LRP5: variants seen among roughly 807,000 people sequenced by gnomAD.
LRP5 encodes low-density lipoprotein receptor-related protein 5.
Under a neutral mutation model 154.1 loss-of-function variants are expected in LRP5, and 62 were observed. The ratio of observed to expected loss-of-function variants is 0.40; its 90% CI spans 0.33 to 0.50. The LOEUF (loss-of-function observed/expected upper bound fraction) is 0.50, where lower values mean the gene tolerates loss of function less well. Among genes scored for constraint, LRP5 ranks in the 20% least tolerant of loss-of-function variants. The pLI, the probability that LRP5 is intolerant of heterozygous loss-of-function variation, is 0.55. For missense variants in LRP5, 1,915 were observed against 2,336.7 expected (o/e 0.82, Z 3.72); for synonymous variants, 966 against 1,011.5 (o/e 0.96, Z 0.85).
At chr11:68,409,087 T>C (rs2098657622) in intron 9 of LRP5, among the ~76,000 whole-genome samples, 3 of 43,224 alleles carry the variant, frequency 6.9e-5, no homozygotes, top group South Asian at 1.9e-3. Context: ...TATATATATA[T>C]ATATATATAC....
chr11:68,448,761 G>C (rs756817037), intron 22 of LRP5, 48 bp from the exon 23 acceptor site: 1 of 1,599,196 alleles, frequency 6.3e-7, no homozygotes. Context: ...TGCCCACCAG[G>C]GCGGATGTGC....
intron 1 of LRP5, among the ~76,000 whole-genome samples, chr11:68,323,526 G>A (rs547969840): frequency 3.2e-4 from 48 of 152,170 alleles, no homozygotes; most frequent in Non-Finnish European, 5.7e-4. Flanking sequence ...TGGTTCTCCC[G>A]CCTCAGCCTC....
In LRP5 at chr11:68,386,443, C is replaced by T. The variant is rs747693977; in HGVS notation, c.1143C>T (p.Asp381=). 4 of 1,614,012 alleles carry T rather than the reference C, an allele frequency of 2.5e-6. No homozygotes were observed. In the African/African-American group the frequency reaches 4.0e-5, roughly 16 times the overall value. The change falls in exon 6 of 23, where the codon GAC becomes GAT. Residue 381 remains aspartate (D), a synonymous_variant. Transcript: ENST00000294304. This position sits in a 1 kb window ranked among gnomAD's most constrained non-coding sequence, Gnocchi z 7.9. The part of the protein sequence containing the change: ...DIRHAIAIDY[D]PLEGYVYWTD... ...GGCACGCCATTGCCATCGACTACGA[C>T]CCGCTAGAGGGCTATGTCTACTGGA...
At chr11:68,341,334 TCA>T (rs1445298512) in intron 1 of LRP5, among the ~76,000 whole-genome samples, 1 of 151,960 alleles carries the variant, frequency 6.6e-6, no homozygotes, top group Non-Finnish European at 1.5e-5. Context: ...GCTTCAGCCC[TCA>T]GCCTGTCCAT....
chr11:68,405,562 G>T (rs2098655151), intron 8 of LRP5, among the ~76,000 whole-genome samples: 1 of 151,578 alleles, frequency 6.6e-6, no homozygotes, highest in South Asian at 2.1e-4. Context: ...ATAAACCCCA[G>T]AGATAAGACA....
Position 68,429,666 on chromosome 11 carries a change from C to T in LRP5, c.3729C>T (p.His1243=). The T allele has an allele frequency of 1.2e-6, 2 of 1,614,188 alleles. No homozygotes were observed. The change falls in exon 17 of 23, where the codon CAC becomes CAT. Residue 1243 remains histidine, a synonymous_variant. Transcript: ENST00000294304. ...DGTPRCSCPV[H]LVLLQNLLTC... is the part of the protein sequence containing the mutation. ...CACCACGGTGCTCATGCCCAGTCCA[C>T]CTCGTGCTCCTGCAGAACCTGCTGA...
intron 12 of LRP5, among the ~76,000 whole-genome samples, 157 bp from the exon 13 acceptor site, chr11:68,416,171 C>T (rs2098662431): frequency 1.3e-5 from 2 of 152,148 alleles, no homozygotes; most frequent in African/African-American, 2.4e-5. Flanking sequence ...CCCCATAGCG[C>T]ACCCCCAAGA....
intron 4 of LRP5, among the ~76,000 whole-genome samples, chr11:68,364,671 C>T (rs963125463): frequency 3.9e-5 from 6 of 152,140 alleles, no homozygotes; most frequent in Middle Eastern, 3.2e-3. Context: ...CAGTGGCCCA[C>T]TCCCACAGGG....
At chr11:68,391,028 C>G (rs149675566) in intron 7 of LRP5, among the ~76,000 whole-genome samples, 1 of 152,192 alleles carries the variant, frequency 6.6e-6, no homozygotes, top group Non-Finnish European at 1.5e-5. Flanking sequence ...AGTGCAGTGG[C>G]GCGATCTCAG....
Position 68,416,395 on chromosome 11 carries a change from C to T in LRP5, c.2895C>T (p.His965=). 6.2e-7 allele frequency: 1 copy of T among 1,614,212 alleles called. No homozygotes were observed. Among genetic ancestry groups the T allele is most frequent in the Non-Finnish European group, 8.5e-7 (1 of 1,180,042 alleles). The change falls in exon 13 of 23, where the codon CAC becomes CAT. Residue 965 remains histidine (H), a synonymous_variant. Coordinates refer to ENST00000294304, the MANE Select transcript of LRP5 (RefSeq NM_002335.4). ...GTCGGATGATCCCGGACGACCAGCA[C>T]AGCCCGGATCTCATCCTGCCCCTGC... ...AISRMIPDDQ[H]SPDLILPLHG...
intron 6 of LRP5, among the ~76,000 whole-genome samples, chr11:68,389,450 A>G (rs1017476533): frequency 6.6e-6 from 1 of 152,066 alleles, no homozygotes; most frequent in Non-Finnish European, 1.5e-5. Context: ...TGACACTGAT[A>G]TCTACTGACA....
At chr11:68,425,032 G>C in intron 14 of LRP5, 70 bp from the exon 15 acceptor site, 1 of 1,415,918 alleles carries the variant, frequency 7.1e-7, no homozygotes, top group South Asian at 1.2e-5. Context: ...CCAGCTGGGT[G>C]CCCTGGGCTC....
intron 13 of LRP5, among the ~76,000 whole-genome samples, chr11:68,419,400 T>A (rs1228050021): frequency 6.6e-6 from 1 of 151,554 alleles, no homozygotes; most frequent in Non-Finnish European, 1.5e-5. Context: ...ATCTGGCTGA[T>A]TTTTTGTATT....
At chr11:68,317,784 C>T (rs1347175774) in intron 1 of LRP5, among the ~76,000 whole-genome samples, 1 of 152,012 alleles carries the variant, frequency 6.6e-6, no homozygotes. Context: ...TGCCAGAGCC[C>T]GTGGCTGCTG....
intron 18 of LRP5, among the ~76,000 whole-genome samples, chr11:68,436,518 G>A (rs1357713799): frequency 6.6e-6 from 1 of 151,902 alleles, no homozygotes; most frequent in Non-Finnish European, 1.5e-5. Context: ...CTCGGGAGGC[G>A]AGGCTCCTCG....
chr11:68,443,577 A>T (rs1362660864), intron 21 of LRP5, among the ~76,000 whole-genome samples: 1,291 of 41,768 alleles, frequency 0.031, 52 homozygotes, highest in African/African-American at 0.082. Flanking sequence ...ATATATATAT[A>T]TATATATATT....
At chr11:68,345,518 C>G (rs951980438) in intron 1 of LRP5, among the ~76,000 whole-genome samples, 2 of 147,236 alleles carry the variant, frequency 1.4e-5, no homozygotes, top group African/African-American at 2.5e-5. Flanking sequence ...AACTCCTGAC[C>G]TCAGGTGATC....
intron 1 of LRP5, among the ~76,000 whole-genome samples, chr11:68,317,631 T>C (rs1448220943): frequency 6.6e-6 from 1 of 152,160 alleles, no homozygotes; most frequent in Non-Finnish European, 1.5e-5. Context: ...CTTAGGCATG[T>C]GGGTGGCGCT....
intron 6 of LRP5, among the ~76,000 whole-genome samples, chr11:68,388,267 C>A (rs2098644113): frequency 6.6e-6 from 1 of 152,016 alleles, no homozygotes; most frequent in African/African-American, 2.4e-5. Context: ...GTGAAGGGAA[C>A]ACGGCCCTGA....
Sources: allele counts gnomAD v4.1 joint callset (sites outside exome capture counted in the v4.1 genomes callset), GRCh38; gene constraint gnomAD v4.1.1; non-coding constraint Gnocchi (gnomAD v3.1); transcripts MANE v1.5; gene names NCBI Gene and HGNC (gene_info 2026-07-23, HGNC 2026-07-21).